The following TAOK3 variants were observed in gnomAD, a reference collection of about 807,000 sequenced individuals.
TAOK3 encodes the protein serine/threonine-protein kinase TAO3.
A neutral mutation model predicts 120.4 loss-of-function variants in TAOK3; 40 were observed. The ratio of observed to expected loss-of-function variants is 0.33; its 90% CI spans 0.26 to 0.43. The LOEUF (loss-of-function observed/expected upper bound fraction) is 0.43, where lower values mean the gene tolerates loss of function less well. Among genes scored for constraint, TAOK3 ranks in the 20% least tolerant of loss-of-function variants. The pLI is 1.00. For synonymous variants in TAOK3, 355 were observed against 387.5 expected, an observed-to-expected ratio of 0.92 and a Z score of 0.99; for missense variants, 821 against 1,112.1, an observed-to-expected ratio of 0.74 and a Z score of 3.72.
At chr12:118,190,802 C>G (rs563139286) in intron 13 of TAOK3, among the ~76,000 whole-genome samples, 2 of 152,232 alleles carry the variant, frequency 1.3e-5, no homozygotes, top group South Asian at 4.1e-4. Context: ...TTCTTAAATG[C>G]AACTGAAATG....
chr12:118,185,522 C>T (rs887217493), intron 14 of TAOK3, among the ~76,000 whole-genome samples: 4 of 152,104 alleles, frequency 2.6e-5, no homozygotes, highest in Non-Finnish European at 5.9e-5. Flanking sequence ...CACCTCAGCA[C>T]TTAGAACAAA....
chr12:118,306,939 G>C (rs1374677996), intron 1 of TAOK3, among the ~76,000 whole-genome samples: 4 of 152,158 alleles, frequency 2.6e-5, no homozygotes, highest in African/African-American at 9.7e-5. Context: ...TGTGGCTAGT[G>C]CAACAGAAGA....
At chr12:118,202,842 C>G (rs2038097827) in intron 11 of TAOK3, among the ~76,000 whole-genome samples, 1 of 134,264 alleles carries the variant, frequency 7.4e-6, no homozygotes, top group South Asian at 2.4e-4. Flanking sequence ...TGCAGTGGTG[C>G]GATCTTGGCT....
intron 1 of TAOK3, among the ~76,000 whole-genome samples, chr12:118,355,062 C>T (rs547942277): frequency 6.6e-6 from 1 of 151,940 alleles, no homozygotes; most frequent in African/African-American, 2.4e-5. Flanking sequence ...GAGACTCTGT[C>T]CCAAAATAAA....
intron 1 of TAOK3, among the ~76,000 whole-genome samples, chr12:118,280,147 C>T (rs11068896): frequency 0.032 from 4,824 of 151,146 alleles, 278 homozygotes; most frequent in East Asian, 0.25. Context: ...CTGCAACCTC[C>T]GCCTCCCGGG....
chr12:118,304,141 G>A (rs540927627), intron 1 of TAOK3, among the ~76,000 whole-genome samples: 3 of 152,274 alleles, frequency 2.0e-5, no homozygotes, highest in African/African-American at 7.2e-5. Flanking sequence ...TTGTTGAAAA[G>A]GCAAGCACGT....
chr12:118,302,905 A>G (rs1317254818), intron 1 of TAOK3, among the ~76,000 whole-genome samples: 1 of 152,190 alleles, frequency 6.6e-6, no homozygotes, highest in Non-Finnish European at 1.5e-5. Flanking sequence ...ATGCACACAG[A>G]TCTCAGGGGA....
intron 1 of TAOK3, among the ~76,000 whole-genome samples, chr12:118,363,350 A>C (rs1017530923): frequency 2.0e-5 from 3 of 152,184 alleles, no homozygotes; most frequent in African/African-American, 7.2e-5. Context: ...TATTATTTTG[A>C]ACCTAAAGTA....
At chr12:118,340,835 T>A (rs1489206058) in intron 1 of TAOK3, among the ~76,000 whole-genome samples, 1 of 151,728 alleles carries the variant, frequency 6.6e-6, no homozygotes, top group East Asian at 1.9e-4. Flanking sequence ...CCCAGTGCTT[T>A]GGGAGGCCAA....
At chr12:118,297,080 C>G (rs1350258661) in intron 1 of TAOK3, 1 of 152,156 alleles carries the variant, frequency 6.6e-6, no homozygotes, top group Non-Finnish European at 1.5e-5. Context: ...GGAAAGATTT[C>G]TTCTTCCGCA....
chr12:118,228,148 A>G (rs376705017), intron 9 of TAOK3, among the ~76,000 whole-genome samples: 8 of 149,446 alleles, frequency 5.4e-5, no homozygotes, highest in African/African-American at 2.0e-4. Context: ...ATTAGTATAT[A>G]TACTCTTTTT....
chr12:118,263,021 AC>A (rs1211835477), intron 2 of TAOK3, among the ~76,000 whole-genome samples: 1 of 152,144 alleles, frequency 6.6e-6, no homozygotes, highest in Non-Finnish European at 1.5e-5. Flanking sequence ...AATTCAAAGG[AC>A]CCAGAATAAC....
At chr12:118,188,849 T>C (rs2037234538) in intron 14 of TAOK3, among the ~76,000 whole-genome samples, 1 of 152,230 alleles carries the variant, frequency 6.6e-6, no homozygotes, top group Admixed American at 6.5e-5. Flanking sequence ...ATTTCAATAA[T>C]TTTTTGGCTG....
At chr12:118,354,297 G>A (rs1797226483) in intron 1 of TAOK3, among the ~76,000 whole-genome samples, 1 of 152,142 alleles carries the variant, frequency 6.6e-6, no homozygotes, top group African/African-American at 2.4e-5. Flanking sequence ...CAAGCACTGA[G>A]GTACCACAAC....
chr12:118,213,378 A>G (rs2038725873), intron 10 of TAOK3, among the ~76,000 whole-genome samples: 1 of 152,138 alleles, frequency 6.6e-6, no homozygotes, highest in African/African-American at 2.4e-5. Context: ...ACCACCCACA[A>G]TCTATAACAA....
intron 20 of TAOK3, 129 bp from the exon 21 acceptor site, chr12:118,151,287 G>GCACACACACACACACA (rs767980079): frequency 6.3e-6 from 3 of 477,024 alleles, no homozygotes; most frequent in African/African-American, 4.7e-5. Flanking sequence ...GTGCGCGCGC[G>GCACACACACACACACA]CGCACACACA....
chr12:118,207,951 G>A (rs541048800), intron 11 of TAOK3, among the ~76,000 whole-genome samples: 51 of 151,008 alleles, frequency 3.4e-4, no homozygotes, highest in Middle Eastern at 3.4e-3. Context: ...CACCAAAAGA[G>A]TTATCTGTTC....
chr12:118,228,041 T>TA (rs779990109), intron 9 of TAOK3, among the ~76,000 whole-genome samples: 120 of 152,160 alleles, frequency 7.9e-4, no homozygotes, highest in Admixed American at 1.8e-3. Flanking sequence ...CTTTTTCTTC[T>TA]AAAAAAATAA....
At chr12:118,307,222 T>C (rs1555248343) in intron 1 of TAOK3, among the ~76,000 whole-genome samples, 2 of 149,714 alleles carry the variant, frequency 1.3e-5, no homozygotes, top group African/African-American at 2.4e-5. Flanking sequence ...CGCCTCCTCT[T>C]CCCCCCCCCA....
Sources: gnomAD v4.1 joint callset for allele counts (sites outside exome capture counted in the v4.1 genomes callset) on GRCh38, gnomAD v4.1.1 for gene constraint, MANE v1.5 for transcripts, NCBI Gene and HGNC (gene_info 2026-07-23, HGNC 2026-07-21) for gene names.